Variants in DNAH14 observed in about 807,000 individuals in gnomAD.
DNAH14 encodes the protein dynein axonemal heavy chain 14, also known as axonemal beta dynein heavy chain 14.
In DNAH14, 478 loss-of-function variants were observed where a neutral mutation model predicts 520.9. The ratio of observed to expected loss-of-function variants is 0.92; its 90% CI spans 0.85 to 0.99. The LOEUF is 0.99. Ranked by LOEUF, DNAH14 falls within the 50% of genes least tolerant of loss-of-function variation. DNAH14 has a pLI of 0.00. For missense variants in DNAH14, 4,831 were observed against 5,234.5 expected (o/e 0.92, Z 2.38); for synonymous variants, 1,581 against 1,757.2 (o/e 0.90, Z 2.51).
intron 79 of DNAH14, among the ~76,000 whole-genome samples, chr1:225,378,837 A>C (rs1305842577): frequency 2.6e-5 from 4 of 151,194 alleles, no homozygotes; most frequent in Non-Finnish European, 4.4e-5. Context: ...CCAAGATAGC[A>C]ACACTGCACT....
chr1:225,084,098 C>T (rs2073456570), intron 20 of DNAH14, among the ~76,000 whole-genome samples: 3 of 152,034 alleles, frequency 2.0e-5, no homozygotes, highest in African/African-American at 7.2e-5. Flanking sequence ...AAGGAAGTCC[C>T]ATGCATTTTT....
chr1:225,324,228 G>T lies in DNAH14; in HGVS notation c.9502G>T (p.Val3168Leu), dbSNP rs531421607. Residue 3168 changes from valine to leucine, a missense_variant, in exon 63 of 86, where the codon GTG (valine) becomes TTG (leucine). Val to Leu is a conservative substitution (Grantham distance 32, BLOSUM62 1). Transcript: ENST00000682510. ...TTAACTGTGTTCTCTCTAGGTTTTC[G>T]TGAAGCTAAAAAAAATTGTAACCTT... is the stretch of plus-strand genomic sequence containing the variant. ...DKDSIPDKVF[V>L]KLKKIVTLPD... is the part of the protein sequence containing the mutation. The T allele has an allele frequency of 1.3e-6, 2 of 1,551,536 alleles. No homozygotes were observed. Among genetic ancestry groups the T allele is most frequent in the Non-Finnish European group, 8.7e-7 (1 of 1,146,948 alleles).
chr1:225,284,563 AG>A (rs1192363045), intron 54 of DNAH14, among the ~76,000 whole-genome samples: 1 of 152,172 alleles, frequency 6.6e-6, no homozygotes, highest in Non-Finnish European at 1.5e-5. Flanking sequence ...CAAACATCTA[AG>A]GAAGAATTAA....
At chr1:225,274,720 G>A (rs1214073967) in intron 52 of DNAH14, among the ~76,000 whole-genome samples, 3 of 152,164 alleles carry the variant, frequency 2.0e-5, no homozygotes, top group East Asian at 3.9e-4. Flanking sequence ...TACGGAATTG[G>A]GTCCTGCCCT....
intron 31 of DNAH14, among the ~76,000 whole-genome samples, chr1:225,148,534 TG>T (rs944191992): frequency 1.3e-4 from 19 of 151,620 alleles, no homozygotes; most frequent in African/African-American, 4.6e-4. Context: ...CCTGAGTAGC[TG>T]GGATTACAGG....
At chr1:224,944,899 T>G (rs1005283164) in intron 1 of DNAH14, among the ~76,000 whole-genome samples, 1 of 152,176 alleles carries the variant, frequency 6.6e-6, no homozygotes, top group Non-Finnish European at 1.5e-5. Flanking sequence ...TGGGTAACCC[T>G]ACCTTTCTCT....
chr1:225,304,837 GT>G, intron 57 of DNAH14, 70 bp from the exon 58 acceptor site: 1 of 1,273,414 alleles, frequency 7.9e-7, no homozygotes, highest in Non-Finnish European at 1.1e-6. Context: ...TTAATTCTAA[GT>G]GTTCAACTTT....
intron 27 of DNAH14, among the ~76,000 whole-genome samples, chr1:225,136,879 A>G (rs1479826286): frequency 1.3e-5 from 2 of 151,532 alleles, no homozygotes; most frequent in Admixed American, 1.3e-4. Flanking sequence ...ATTATTTTCT[A>G]CCTCTCTTAT....
At chr1:225,387,757 A>G (rs995310407) in intron 81 of DNAH14, among the ~76,000 whole-genome samples, 3 of 152,156 alleles carry the variant, frequency 2.0e-5, no homozygotes, top group Admixed American at 6.6e-5. Flanking sequence ...TGTGATTTCT[A>G]ATGAAGACTC....
chr1:224,946,914 A>AAT (rs2059877692), intron 1 of DNAH14, among the ~76,000 whole-genome samples: 1 of 99,208 alleles, frequency 1.0e-5, no homozygotes, highest in Non-Finnish European at 2.1e-5. Flanking sequence ...CGTTTCATCT[A>AAT]CTTTTTTTTT....
intron 66 of DNAH14, among the ~76,000 whole-genome samples, chr1:225,335,165 G>GCATGTGTA (rs754046105): frequency 1.2e-4 from 18 of 147,990 alleles, no homozygotes; most frequent in African/African-American, 3.7e-4. Flanking sequence ...GTGCATGTGT[G>GCATGTGTA]CATGTGTACA....
intron 8 of DNAH14, among the ~76,000 whole-genome samples, chr1:224,984,538 A>G (rs956308182): frequency 6.6e-6 from 1 of 152,192 alleles, no homozygotes; most frequent in South Asian, 2.1e-4. Flanking sequence ...AAAGATAAAT[A>G]GGGGGGACTT....
chr1:225,334,616 A>G (rs563985848), intron 66 of DNAH14, among the ~76,000 whole-genome samples: 2 of 151,734 alleles, frequency 1.3e-5, no homozygotes, highest in South Asian at 4.2e-4. Context: ...TTCCTCTCAG[A>G]AAAGTTTATT....
At chr1:225,097,053 T>A in intron 21 of DNAH14, 65 bp from the exon 22 acceptor site, 1 of 1,349,602 alleles carries the variant, frequency 7.4e-7, no homozygotes, top group Non-Finnish European at 9.9e-7. Flanking sequence ...GTTTCTGTTA[T>A]GTAACTCTTA....
intron 58 of DNAH14, among the ~76,000 whole-genome samples, chr1:225,306,850 A>G (rs1205849521): frequency 8.0e-5 from 12 of 149,530 alleles, no homozygotes; most frequent in Admixed American, 8.0e-4. Flanking sequence ...CGGTGGCAAA[A>G]GACAGGTTAC....
chr1:225,304,875 T>G, intron 57 of DNAH14, 33 bp from the exon 58 acceptor site: 2 of 1,473,716 alleles, frequency 1.4e-6, no homozygotes, highest in Non-Finnish European at 1.8e-6. Context: ...TTGGATTGCT[T>G]TCTCTTAATT....
intron 10 of DNAH14, among the ~76,000 whole-genome samples, chr1:225,016,996 GA>G (rs2065266510): frequency 6.6e-6 from 1 of 151,604 alleles, no homozygotes. Flanking sequence ...ATATTTCACT[GA>G]ATTTCCCTAA....
chr1:225,293,839 A>T (rs879603145), intron 55 of DNAH14, among the ~76,000 whole-genome samples: 30 of 152,110 alleles, frequency 2.0e-4, no homozygotes, highest in Non-Finnish European at 3.8e-4. Flanking sequence ...TTAAAAAAAG[A>T]GTTTTTTGGT....
chr1:225,255,480 G>A (rs1323226195), intron 44 of DNAH14, among the ~76,000 whole-genome samples: 2 of 152,084 alleles, frequency 1.3e-5, no homozygotes, highest in African/African-American at 2.4e-5. Context: ...TCTATGTGAA[G>A]GTGAACTGGA....
Sources: gnomAD v4.1 joint callset for allele counts (sites outside exome capture counted in the v4.1 genomes callset) on GRCh38, gnomAD v4.1.1 for gene constraint, MANE v1.5 for transcripts, NCBI Gene and HGNC (gene_info 2026-07-23, HGNC 2026-07-21) for gene names.